Variants in MDM1 observed in about 807,000 individuals in gnomAD.
The protein encoded by MDM1 is stabilizer of axonemal microtubules 6.
MDM1 carries 61 observed loss-of-function variants against 89.1 expected under a neutral mutation model. The ratio of observed to expected loss-of-function variants is 0.68; its 90% CI spans 0.56 to 0.85. The LOEUF is 0.85. Among genes scored for constraint, MDM1 ranks in the 40% least tolerant of loss-of-function variants. The probability of loss-of-function intolerance (pLI) is 0.00; values close to 1 mark genes in which losing one functional copy is unlikely to be tolerated. For missense variants in MDM1, 820 were observed against 846.5 expected (o/e 0.97, Z 0.39); for synonymous variants, 290 against 294.1 (o/e 0.99, Z 0.14).
chr12:68,313,890 C>A (rs1874074380), intron 10 of MDM1, 137 bp from the exon 11 acceptor site: 6 of 677,610 alleles, frequency 8.9e-6, no homozygotes, highest in Non-Finnish European at 1.5e-5. Flanking sequence ...GCCCGTAATC[C>A]CAGCACTTTG....
At chr12:68,318,563 T>G (rs1041786787) in intron 7 of MDM1, among the ~76,000 whole-genome samples, 1 of 152,222 alleles carries the variant, frequency 6.6e-6, no homozygotes, top group African/African-American at 2.4e-5. Context: ...TTTAAATATC[T>G]TTAGCCCTAA....
intron 3 of MDM1, chr12:68,326,249 A>T: frequency 2.6e-6 from 3 of 1,156,688 alleles, no homozygotes; most frequent in Non-Finnish European, 3.2e-6. Flanking sequence ...CATTTCATCA[A>T]TTGAATTTCT....
intron 14 of MDM1, among the ~76,000 whole-genome samples, chr12:68,295,815 T>C (rs577213520): frequency 3.7e-4 from 57 of 152,330 alleles, no homozygotes; most frequent in Non-Finnish European, 7.4e-4. Context: ...TCACTAAATG[T>C]AGAAATAATT....
At chr12:68,325,674 TAAC>T (rs988892587) in intron 3 of MDM1, 99 bp from the exon 4 acceptor site, 1 of 1,370,710 alleles carries the variant, frequency 7.3e-7, no homozygotes, top group Non-Finnish European at 9.5e-7. Flanking sequence ...TCTATCCTCT[TAAC>T]AAAATGTTAA....
chr12:68,325,754 T>C (rs1875881137), intron 3 of MDM1, 179 bp from the exon 4 acceptor site: 1 of 1,244,190 alleles, frequency 8.0e-7, no homozygotes. Context: ...AACTTATAAA[T>C]AGTATCTTTT....
intron 12 of MDM1, among the ~76,000 whole-genome samples, chr12:68,309,350 A>C (rs1873369395): frequency 1.3e-5 from 2 of 152,212 alleles, no homozygotes; most frequent in Admixed American, 6.5e-5. Flanking sequence ...TTTTTCAAAG[A>C]AGCATCATTG....
chr12:68,302,128 T>C (rs1373947196), intron 13 of MDM1, among the ~76,000 whole-genome samples: 1 of 152,086 alleles, frequency 6.6e-6, no homozygotes, highest in Non-Finnish European at 1.5e-5. Context: ...ACATTAGATA[T>C]GAAGAGAAGA....
At chr12:68,301,988 A>G (rs962392061) in intron 13 of MDM1, among the ~76,000 whole-genome samples, 9 of 152,156 alleles carry the variant, frequency 5.9e-5, no homozygotes, top group African/African-American at 1.9e-4. Flanking sequence ...CAGGAGAGGA[A>G]ATTTTTGACT....
intron 13 of MDM1, 127 bp from the exon 14 acceptor site, chr12:68,297,109 A>G: frequency 2.1e-6 from 1 of 482,558 alleles, no homozygotes; most frequent in South Asian, 5.3e-5. Flanking sequence ...CCTACATGTG[A>G]GTAAAGGTTT....
chr12:68,314,136 C>CAAAA (rs35410942), intron 10 of MDM1, among the ~76,000 whole-genome samples: 5 of 87,552 alleles, frequency 5.7e-5, no homozygotes, highest in Non-Finnish European at 1.1e-4. Flanking sequence ...AACTCCGTCT[C>CAAAA]AAAAAAAAAA....
At chr12:68,296,887 A>T (rs1871468204) in intron 14 of MDM1, 36 bp downstream of exon 14, 5 of 1,456,492 alleles carry the variant, frequency 3.4e-6, no homozygotes, top group Non-Finnish European at 2.8e-6. Context: ...CATAGACTAG[A>T]ACTCAAACTT....
chr12:68,307,796 G>T (rs1851511512), intron 12 of MDM1, among the ~76,000 whole-genome samples: 1 of 151,912 alleles, frequency 6.6e-6, no homozygotes, highest in South Asian at 2.1e-4. Context: ...AAATTAGTCA[G>T]ATGTGGCCAC....
At chr12:68,297,254 G>A (rs1304936895) in intron 13 of MDM1, among the ~76,000 whole-genome samples, 1 of 152,172 alleles carries the variant, frequency 6.6e-6, no homozygotes, top group East Asian at 1.9e-4. Flanking sequence ...TCTTTCCAAT[G>A]ATAATATTGA....
Position 68,302,793 on chromosome 12 carries a change from T to A in MDM1, c.1829A>T (p.Asp610Val), listed in dbSNP as rs1565766383. 6.2e-7 allele frequency: 1 copy of A among 1,612,320 alleles called. No homozygotes were observed. The highest frequency in any genetic ancestry group is 8.5e-7 in the Non-Finnish European group (1 of 1,179,846). ...KTVDPLPLRE[D>V]SEDNIHKFAE... ...AAATTTGTGGATATTGTCTTCAGAA[T>A]CTTCCCGCAAAGGCAGAGGATCAAC... Residue 610 changes from aspartate to valine, a missense_variant, in exon 13 of 15, where the codon GAT becomes GTT. Transcript: ENST00000682720.
chr12:68,321,278 C>T lies in MDM1; in HGVS notation c.1005+69G>A, dbSNP rs1653540183. On this transcript the variant is annotated intron_variant, in intron 7 of 14. Coordinates refer to ENST00000682720, the MANE Select transcript of MDM1 (RefSeq NM_001354969.2). ...GTGGTCTCTATTACCAAAAGGAACT[C>T]GTTGTGAAATTAAAGTGTTAACAGA... 9 of 1,193,558 alleles carry T rather than the reference C, an allele frequency of 7.5e-6. No homozygotes were observed. The South Asian group carries it at 1.0e-4, about 14-fold the overall frequency. The allele number at this position is 1,193,558 out of a possible 1,614,324, so 73.9% of individuals were successfully genotyped here.
chr12:68,332,265 C>T lies in MDM1; in HGVS notation c.-20G>A, dbSNP rs1051980913. The T allele has an allele frequency of 1.3e-6, 2 of 1,582,222 alleles. No homozygotes were observed. The highest frequency in any genetic ancestry group is 1.3e-5 in the African/African-American group (1 of 74,212). ...CGGCATGTCGCCCGGCGCCGGAGCC[C>T]CCGCTACTCCGACAGTTAACTGGAG... is the stretch of plus-strand genomic sequence containing the variant. On this transcript the variant is annotated 5_prime_UTR_variant, in exon 1 of 15. Transcript: ENST00000682720.
chr12:68,299,982 A>G (rs1008612457), intron 13 of MDM1, among the ~76,000 whole-genome samples: 2 of 152,236 alleles, frequency 1.3e-5, no homozygotes, highest in Non-Finnish European at 2.9e-5. Context: ...GACTAACAAC[A>G]GACTTCCCAG....
chr12:68,299,851 T>C (rs991100907), intron 13 of MDM1, among the ~76,000 whole-genome samples: 4 of 152,284 alleles, frequency 2.6e-5, no homozygotes, highest in South Asian at 2.1e-4. Context: ...AGGAACTTCA[T>C]TGCAAAAAGA....
intron 3 of MDM1, 38 bp downstream of exon 3, chr12:68,326,619 T>C: frequency 2.5e-6 from 4 of 1,614,086 alleles, no homozygotes; most frequent in African/African-American, 1.3e-5. Flanking sequence ...AATGAAGAAT[T>C]CTATGCTTTT....
Sources: allele counts gnomAD v4.1 joint callset (sites outside exome capture counted in the v4.1 genomes callset), GRCh38; gene constraint gnomAD v4.1.1; transcripts MANE v1.5; gene names NCBI Gene and HGNC (gene_info 2026-07-23, HGNC 2026-07-21).